STAG1: variants seen among roughly 807,000 people sequenced by gnomAD.
STAG1 encodes the protein cohesin subunit SA-1.
A neutral mutation model predicts 170.9 loss-of-function variants in STAG1; 26 were observed. The observed-to-expected ratio is 0.15, with a 90% confidence interval of 0.11 to 0.21. STAG1 has a LOEUF of 0.21. STAG1 is among the 10% of genes least tolerant of loss of function. The pLI is 1.00. For missense variants in STAG1, 964 were observed against 1,509.5 expected, an observed-to-expected ratio of 0.64 and a Z score of 5.99; for synonymous variants, 514 against 497.7, an observed-to-expected ratio of 1.03 and a Z score of -0.44.
intron 1 of STAG1, among the ~76,000 whole-genome samples, chr3:136,745,396 T>A (rs2107955830): frequency 6.6e-6 from 1 of 152,250 alleles, no homozygotes; most frequent in South Asian, 2.1e-4. Flanking sequence ...GGAGTAGCCA[T>A]CCCCAACGTT....
At chr3:136,400,235 CT>C (rs1237606312) in intron 21 of STAG1, among the ~76,000 whole-genome samples, 9 of 148,658 alleles carry the variant, frequency 6.1e-5, no homozygotes, top group African/African-American at 9.9e-5. Context: ...CAAAAATTTT[CT>C]TTTTTTTTTG....
At chr3:136,526,633 T>A (rs539259871) in intron 6 of STAG1, among the ~76,000 whole-genome samples, 1 of 152,330 alleles carries the variant, frequency 6.6e-6, no homozygotes, top group African/African-American at 2.4e-5. Context: ...TTTGATCCTG[T>A]CATTATGTTA....
intron 1 of STAG1, among the ~76,000 whole-genome samples, chr3:136,668,457 C>G (rs950398118): frequency 6.9e-6 from 1 of 144,318 alleles, no homozygotes; most frequent in Non-Finnish European, 1.5e-5. Flanking sequence ...ATTTATATAT[C>G]TATAAAAAAA....
intron 6 of STAG1, among the ~76,000 whole-genome samples, chr3:136,536,133 G>A (rs768013287): frequency 6.6e-6 from 1 of 151,970 alleles, no homozygotes; most frequent in Non-Finnish European, 1.5e-5. Flanking sequence ...ATATACTTTG[G>A]CTTCATGAGT....
Position 136,498,577 on chromosome 3 carries a change from GATTC to G in STAG1, c.902+1642_902+1645del, listed in dbSNP as rs566251882. Reference sequence around the variant, plus strand: ...TTGAATTTCTTAAGGATGATGGAGAGATTCATTATCTCGCTTGTGGTGGTGGTTT... The same window carrying G: ...TTGAATTTCTTAAGGATGATGGAGAGATTATCTCGCTTGTGGTGGTGGTTT... On this transcript the variant is annotated intron_variant, in intron 9 of 33. Transcript: ENST00000383202. 4.6e-3 allele frequency among the ~76,000 whole-genome samples: 700 copies of G among 151,766 alleles called. 2 individuals are homozygous for G. Among genetic ancestry groups the G allele is most frequent in the Non-Finnish European group, 6.8e-3 (462 of 67,938 alleles).
rs564262366 is a variant in STAG1 at position 136,459,196 on chromosome 3, G to A, written c.1313+5685C>T. Reference sequence around the variant, plus strand: ...TGGCGCCACTGCACTCCAGCCTGGCGACAGAGCGAGACTCTGTCTTAAAGA... The same window carrying A: ...TGGCGCCACTGCACTCCAGCCTGGCAACAGAGCGAGACTCTGTCTTAAAGA... On this transcript the variant is annotated intron_variant, in intron 13 of 33. Transcript: ENST00000383202. Among the ~76,000 whole-genome samples, 6 of 146,720 alleles carry A rather than the reference G, an allele frequency of 4.1e-5. No homozygotes were observed. The East Asian group carries it at 6.2e-4, about 15-fold the overall frequency.
At chr3:136,623,552 A>G (rs908887172) in intron 2 of STAG1, among the ~76,000 whole-genome samples, 1 of 152,262 alleles carries the variant, frequency 6.6e-6, no homozygotes, top group East Asian at 1.9e-4. Context: ...GTACAAAAAT[A>G]TGAAGGCTTA....
chr3:136,375,969 A>AAAAAT (rs1311242763), intron 23 of STAG1, among the ~76,000 whole-genome samples: 3 of 124,674 alleles, frequency 2.4e-5, no homozygotes, highest in Non-Finnish European at 4.8e-5. Context: ...ACTCCGTCTC[A>AAAAAT]AAATAAATAA....
chr3:136,349,179 G>T lies in STAG1; in HGVS notation c.3250C>A (p.Leu1084Ile), dbSNP rs1201217932. ...SVRNKKGRPPLHKKRVEDESL... is the reference protein window; with the variant it reads ...SVRNKKGRPPIHKKRVEDESL... ...TTACCTTCTACTCGTTTTTTATGAA[G>T]TGGAGGTCGTCCTTTCTTATTCCTT... Residue 1084 changes from leucine to isoleucine, a missense_variant, in exon 29 of 34, where the codon CTT (leucine) becomes ATT (isoleucine). By Grantham distance (5) the Leu-to-Ile change is conservative (BLOSUM62 2). This residue lies in a region of STAG1 where 122 missense variants were observed against 129.0 expected (regional missense o/e 0.95). Transcript: ENST00000383202. The T allele has an allele frequency of 4.3e-6, 7 of 1,613,828 alleles. No homozygotes were observed. The highest frequency in any genetic ancestry group is 1.3e-5 in the African/African-American group (1 of 74,924).
At chr3:136,426,884 C>T (rs537602256) in intron 16 of STAG1, among the ~76,000 whole-genome samples, 213 of 151,998 alleles carry the variant, frequency 1.4e-3, no homozygotes, top group Middle Eastern at 6.8e-3. Context: ...CTGGCTAACA[C>T]GGTGAAACCC....
At chr3:136,649,503 CAAAAAAA>C (rs761067087) in intron 1 of STAG1, among the ~76,000 whole-genome samples, 33 of 70,876 alleles carry the variant, frequency 4.7e-4, no homozygotes, top group Admixed American at 6.6e-4. Flanking sequence ...AAAACAGAAA[CAAAAAAA>C]AAAAAAAAAA....
chr3:136,450,289 T>C (rs922883383), intron 14 of STAG1, among the ~76,000 whole-genome samples: 3 of 152,174 alleles, frequency 2.0e-5, no homozygotes, highest in South Asian at 4.1e-4. Flanking sequence ...AAATGCAGAA[T>C]CTCAGGCCCC....
chr3:136,536,616 G>T lies in STAG1; in HGVS notation c.471+5503C>A, dbSNP rs566441632. 5.4e-5 allele frequency among the ~76,000 whole-genome samples: 8 copies of T among 148,990 alleles called. No individual in the cohort carries two copies. The Admixed American group carries it at 5.5e-4, about 10-fold the overall frequency. ...CTCAGGAGGCTAAGGCACGAGAATC[G>T]CTTCAACTCGGGAGGCAGAAGTTGC... On this transcript the variant is annotated intron_variant, in intron 6 of 33. Coordinates refer to ENST00000383202, the MANE Select transcript of STAG1 (RefSeq NM_005862.3).
intron 1 of STAG1, among the ~76,000 whole-genome samples, chr3:136,726,692 G>A (rs1933706993): frequency 6.6e-6 from 1 of 152,098 alleles, no homozygotes; most frequent in South Asian, 2.1e-4. Flanking sequence ...CAAAAGTGCT[G>A]GGATTACAGG....
intron 21 of STAG1, among the ~76,000 whole-genome samples, chr3:136,411,392 T>C (rs1234327601): frequency 6.6e-6 from 1 of 152,156 alleles, no homozygotes; most frequent in African/African-American, 2.4e-5. Flanking sequence ...TTTAAAACTA[T>C]ACCAACAGAA....
At chr3:136,579,370 G>T (rs923686345) in intron 4 of STAG1, among the ~76,000 whole-genome samples, 2 of 150,378 alleles carry the variant, frequency 1.3e-5, no homozygotes, top group African/African-American at 4.9e-5. Flanking sequence ...AATTTCTGTG[G>T]ATTCAGGAAT....
chr3:136,535,957 G>T (rs1195113087), intron 6 of STAG1, among the ~76,000 whole-genome samples: 1 of 152,136 alleles, frequency 6.6e-6, no homozygotes, highest in African/African-American at 2.4e-5. Flanking sequence ...ATATAAATGT[G>T]ATTTATGTGA....
intron 21 of STAG1, among the ~76,000 whole-genome samples, chr3:136,401,796 G>A (rs2108346392): frequency 6.6e-6 from 1 of 152,058 alleles, no homozygotes; most frequent in Non-Finnish European, 1.5e-5. Flanking sequence ...TTAATTTTTT[G>A]AGATCAAGTC....
At chr3:136,429,249 A>G (rs2088223243) in intron 16 of STAG1, among the ~76,000 whole-genome samples, 1 of 152,226 alleles carries the variant, frequency 6.6e-6, no homozygotes, top group African/African-American at 2.4e-5. Flanking sequence ...TCTACTAAAA[A>G]TACAAAAACT....
Sources: allele counts gnomAD v4.1 joint callset (sites outside exome capture counted in the v4.1 genomes callset), GRCh38; gene constraint gnomAD v4.1.1; regional missense constraint gnomAD v4.1.1; transcripts MANE v1.5; gene names NCBI Gene and HGNC (gene_info 2026-07-23, HGNC 2026-07-21).